MGAT4C: variants seen among roughly 807,000 people sequenced by gnomAD.
MGAT4C encodes MGAT4 family member C.
Under a neutral mutation model 40.1 loss-of-function variants are expected in MGAT4C, and 19 were observed. The observed-to-expected ratio is 0.47, with a 90% CI of 0.33 to 0.70. MGAT4C has a LOEUF of 0.70. Among genes scored for constraint, MGAT4C ranks in the 30% least tolerant of loss-of-function variants. MGAT4C has a pLI of 0.02. For synonymous variants in MGAT4C, 181 were observed against 187.1 expected (o/e 0.97, Z 0.27); for missense variants, 491 against 563.2 (o/e 0.87, Z 1.30).
At chr12:86,469,291 T>C (rs1178651471) in intron 2 of MGAT4C, among the ~76,000 whole-genome samples, 1 of 152,160 alleles carries the variant, frequency 6.6e-6, no homozygotes, top group Non-Finnish European at 1.5e-5. Flanking sequence ...GAGCTGTACC[T>C]AGAGAATTGC....
intron 1 of MGAT4C, among the ~76,000 whole-genome samples, chr12:86,792,246 TGATA>T (rs1469916747): frequency 6.6e-6 from 1 of 152,162 alleles, no homozygotes; most frequent in Admixed American, 6.5e-5. Context: ...AGTTTTGAAT[TGATA>T]GATTAAATTT....
chr12:86,126,742 G>C (rs1397684497), intron 1 of MGAT4C, among the ~76,000 whole-genome samples: 1 of 152,160 alleles, frequency 6.6e-6, no homozygotes. Flanking sequence ...CTGAGAAAAT[G>C]CATTGTTAGG....
intron 1 of MGAT4C, among the ~76,000 whole-genome samples, chr12:86,138,391 A>G (rs1882284221): frequency 6.6e-6 from 1 of 150,408 alleles, no homozygotes; most frequent in African/African-American, 2.4e-5. Flanking sequence ...TCCCACTTGG[A>G]TATCAGGCAA....
At chr12:86,056,159 A>C (rs1295357758) in intron 1 of MGAT4C, among the ~76,000 whole-genome samples, 1 of 152,184 alleles carries the variant, frequency 6.6e-6, no homozygotes, top group African/African-American at 2.4e-5. Context: ...ATTATGAGCT[A>C]AACTTTATGT....
chr12:86,176,940 A>G (rs1191496967), intron 1 of MGAT4C, among the ~76,000 whole-genome samples: 1 of 151,152 alleles, frequency 6.6e-6, no homozygotes, highest in Non-Finnish European at 1.5e-5. Context: ...CTATGTAGCA[A>G]GCACCATTTA....
intron 4 of MGAT4C, among the ~76,000 whole-genome samples, chr12:86,294,796 T>A (rs1340403404): frequency 6.6e-6 from 1 of 152,202 alleles, no homozygotes; most frequent in East Asian, 1.9e-4. Context: ...AGTATTTATT[T>A]ATCAGAACTC....
chr12:86,779,002 C>A (rs923426757), intron 1 of MGAT4C, among the ~76,000 whole-genome samples: 3 of 126,946 alleles, frequency 2.4e-5, no homozygotes, highest in Admixed American at 2.3e-4. Flanking sequence ...ATTATACATA[C>A]AATTTCACTA....
At chr12:86,408,295 T>C (rs938298427) in intron 3 of MGAT4C, among the ~76,000 whole-genome samples, 4 of 151,940 alleles carry the variant, frequency 2.6e-5, no homozygotes, top group Non-Finnish European at 1.5e-5. Context: ...CATTTAAGGA[T>C]TGAAATCAGC....
Position 86,590,858 on chromosome 12 carries a change from G to A in MGAT4C, c.-229+136351C>T, listed in dbSNP as rs77554126. On this transcript the variant is annotated intron_variant, in intron 2 of 7. Coordinates refer to the MGAT4C transcript ENST00000548651. Reference sequence around the variant, plus strand: ...GTCCTTTCAAATTACAATAGTTTATGATGCTCATCTGCATTTTAATCAGAT... The same window carrying A: ...GTCCTTTCAAATTACAATAGTTTATAATGCTCATCTGCATTTTAATCAGAT... Among the ~76,000 whole-genome samples the A allele has an allele frequency of 8.9e-3, 1,347 of 152,038 alleles. 24 individuals are homozygous for A. The highest frequency in any genetic ancestry group is 0.031 in the African/African-American group (1,302 of 41,522).
chr12:86,777,713 G>T (rs1385461625), intron 1 of MGAT4C, among the ~76,000 whole-genome samples: 1 of 152,126 alleles, frequency 6.6e-6, no homozygotes, highest in African/African-American at 2.4e-5. Flanking sequence ...GGACATACAA[G>T]GATTTAAGTT....
In MGAT4C at chr12:86,358,146, C is replaced by T. The variant is rs374091843; in HGVS notation, c.-119-24019G>A. Among the ~76,000 whole-genome samples, 6 of 152,270 alleles carry T rather than the reference C, an allele frequency of 3.9e-5. No homozygotes were observed. In the East Asian group the frequency reaches 1.2e-3, roughly 29 times the overall value. ...AGCTGATCTCTCAGCAGAAACTCTC[C>T]AAGCCAGAAGAGAGTGGGGGCCAAT... On this transcript the variant is annotated intron_variant, in intron 3 of 7. Coordinates refer to the MGAT4C transcript ENST00000548651.
intron 3 of MGAT4C, among the ~76,000 whole-genome samples, chr12:86,370,249 G>A (rs528453184): frequency 1.3e-5 from 2 of 152,102 alleles, no homozygotes; most frequent in African/African-American, 4.8e-5. Flanking sequence ...TATACATTAT[G>A]AAATGGAAAA....
chr12:86,224,012 C>T (rs1468307971), intron 1 of MGAT4C, among the ~76,000 whole-genome samples: 1 of 152,138 alleles, frequency 6.6e-6, no homozygotes, highest in Non-Finnish European at 1.5e-5. Context: ...ACAACTGCCA[C>T]TACTACCAGC....
intron 1 of MGAT4C, among the ~76,000 whole-genome samples, chr12:86,111,007 AT>A (rs1341003911): frequency 6.6e-6 from 1 of 151,784 alleles, no homozygotes; most frequent in Non-Finnish European, 1.5e-5. Flanking sequence ...TTTTTATTTC[AT>A]TTTAAAATAT....
chr12:86,083,365 C>G (rs1871197897), intron 1 of MGAT4C, among the ~76,000 whole-genome samples: 1 of 151,992 alleles, frequency 6.6e-6, no homozygotes, highest in Non-Finnish European at 1.5e-5. Flanking sequence ...ATAAAATGAT[C>G]ATGCCACTAT....
chr12:86,112,939 A>C (rs1592973459), intron 1 of MGAT4C, among the ~76,000 whole-genome samples: 1 of 151,808 alleles, frequency 6.6e-6, no homozygotes, highest in African/African-American at 2.4e-5. Flanking sequence ...CTAGTGAGGT[A>C]GTGATTACTA....
At chr12:86,659,846 T>TGGCATTCTG (rs1436066752) in intron 2 of MGAT4C, among the ~76,000 whole-genome samples, 1 of 151,798 alleles carries the variant, frequency 6.6e-6, no homozygotes, top group Non-Finnish European at 1.5e-5. Context: ...TGTCTTACTG[T>TGGCATTCTG]GGCATTCTAC....
intron 2 of MGAT4C, among the ~76,000 whole-genome samples, chr12:86,613,543 C>G (rs964726598): frequency 6.6e-6 from 1 of 152,042 alleles, no homozygotes; most frequent in African/African-American, 2.4e-5. Flanking sequence ...AGTTATGATG[C>G]AATTACATTG....
chr12:86,122,637 T>A (rs1456724907), intron 1 of MGAT4C, among the ~76,000 whole-genome samples: 11 of 152,168 alleles, frequency 7.2e-5, no homozygotes, highest in Non-Finnish European at 1.2e-4. Flanking sequence ...TGCAAGATGA[T>A]CTAGTCAGAT....
Sources: allele counts gnomAD v4.1 joint callset (sites outside exome capture counted in the v4.1 genomes callset), GRCh38; gene constraint gnomAD v4.1.1; transcripts MANE v1.5; gene names NCBI Gene and HGNC (gene_info 2026-07-23, HGNC 2026-07-21).